The following LYZL4 variants were observed in gnomAD, a reference collection of about 807,000 sequenced individuals.
LYZL4 encodes lysozyme like 4.
Under a neutral mutation model 17.6 loss-of-function variants are expected in LYZL4, and 13 were observed. The observed-to-expected ratio is 0.74, with a 90% CI of 0.48 to 1.18. The LOEUF (loss-of-function observed/expected upper bound fraction) is 1.18, where lower values mean the gene tolerates loss of function less well. LYZL4 is among the 50% of genes most tolerant of loss of function. The probability of loss-of-function intolerance (pLI) is 0.00; values close to 1 mark genes in which losing one functional copy is unlikely to be tolerated. For synonymous variants in LYZL4, 64 were observed against 67.7 expected (o/e 0.95, Z 0.27); for missense variants, 174 against 188.2 (o/e 0.92, Z 0.44).
downstream of LYZL4, among the ~76,000 whole-genome samples, chr3:42,395,856 T>C (rs906863765): frequency 2.0e-5 from 3 of 151,400 alleles, no homozygotes; most frequent in African/African-American, 7.3e-5. Flanking sequence ...AGGTCAGGAG[T>C]TCAAGACCAT....
chr3:42,367,999 G>A, the LYZL4 span, among the ~76,000 whole-genome samples: 1 of 152,182 alleles, frequency 6.6e-6, no homozygotes, highest in Non-Finnish European at 1.5e-5. Flanking sequence ...CTAAGAGGCA[G>A]GTACTCTTAG....
the LYZL4 span, among the ~76,000 whole-genome samples, chr3:42,385,084 T>C: frequency 2.6e-5 from 4 of 152,138 alleles, no homozygotes; most frequent in Admixed American, 1.3e-4. Flanking sequence ...AGAAACAAAC[T>C]ACATTAACTT....
the LYZL4 span, among the ~76,000 whole-genome samples, chr3:42,386,588 G>A: frequency 2.0e-5 from 3 of 152,202 alleles, no homozygotes; most frequent in South Asian, 6.2e-4. Context: ...TTGCAGAGCC[G>A]ATTATTCTGC....
At chr3:42,402,318 T>C in intron 4 of LYZL4, among the ~76,000 whole-genome samples, 1 of 146,540 alleles carries the variant, frequency 6.8e-6, no homozygotes. Flanking sequence ...TTCTTTTCTT[T>C]CTTTTTTTTT....
At chr3:42,377,866 G>A in the LYZL4 span, among the ~76,000 whole-genome samples, 5 of 152,134 alleles carry the variant, frequency 3.3e-5, no homozygotes, top group African/African-American at 9.7e-5. Flanking sequence ...AGGAGCCTTC[G>A]GCAGATCTGT....
chr3:42,398,477 C>A, intron 4 of LYZL4, among the ~76,000 whole-genome samples: 1 of 152,166 alleles, frequency 6.6e-6, no homozygotes, highest in East Asian at 1.9e-4. Context: ...TCAAACACTC[C>A]AAAGTCAGTT....
At chr3:42,372,990 T>C in the LYZL4 span, among the ~76,000 whole-genome samples, 5 of 152,118 alleles carry the variant, frequency 3.3e-5, no homozygotes, top group East Asian at 9.7e-4. Context: ...GCAGATCCCT[T>C]GAGGTCAGGA....
At chr3:42,399,234 TG>T (rs1698610991) in intron 4 of LYZL4, among the ~76,000 whole-genome samples, 2 of 152,148 alleles carry the variant, frequency 1.3e-5, no homozygotes, top group South Asian at 4.1e-4. Context: ...GCAGTGTGGG[TG>T]GAGGGGCCCC....
At chr3:42,370,373 G>T in the LYZL4 span, among the ~76,000 whole-genome samples, 3 of 150,158 alleles carry the variant, frequency 2.0e-5, no homozygotes, top group Admixed American at 6.7e-5. Context: ...TACTGAGCCT[G>T]ATCAGAACAC....
At chr3:42,383,087 A>G in the LYZL4 span, among the ~76,000 whole-genome samples, 1 of 152,226 alleles carries the variant, frequency 6.6e-6, no homozygotes, top group African/African-American at 2.4e-5. Flanking sequence ...ACTATCATTC[A>G]GTTATCTGAA....
the LYZL4 span, among the ~76,000 whole-genome samples, chr3:42,367,406 C>G: frequency 1.2e-4 from 19 of 152,148 alleles, no homozygotes; most frequent in Non-Finnish European, 2.5e-4. Flanking sequence ...ATCAAGGAAG[C>G]ATGGGGTGGG....
chr3:42,388,241 A>G, the LYZL4 span, among the ~76,000 whole-genome samples: 1 of 152,236 alleles, frequency 6.6e-6, no homozygotes, highest in African/African-American at 2.4e-5. Flanking sequence ...TCTTGTCAAG[A>G]AAAGAACTGT....
rs1271793622 is a variant in LYZL4, at chr3:42,397,215, C to T, written c.*50G>A. On this transcript the variant is annotated 3_prime_UTR_variant, in exon 5 of 5. Coordinates refer to ENST00000287748, the MANE Select transcript of LYZL4 (RefSeq NM_144634.4). ...ACTGAAGCAGCAAGCAGAAAAGCAC[C>T]TTCATTCACAAGATGCAACTGGTGA... The T allele has an allele frequency of 1.5e-6, 2 of 1,307,746 alleles. No homozygotes were observed. The highest frequency in any genetic ancestry group is 5.1e-5 in the East Asian group (2 of 39,136). The allele number at this position is 1,307,746 out of a possible 1,614,324, so 81.0% of individuals were successfully genotyped here.
chr3:42,386,067 T>C, the LYZL4 span, among the ~76,000 whole-genome samples: 2 of 152,214 alleles, frequency 1.3e-5, no homozygotes, highest in South Asian at 4.2e-4. Context: ...GCTTCCACCA[T>C]CACATCTCCC....
downstream of LYZL4, among the ~76,000 whole-genome samples, chr3:42,394,787 C>T (rs1215867904): frequency 6.6e-6 from 1 of 152,260 alleles, no homozygotes; most frequent in Middle Eastern, 3.4e-3. Flanking sequence ...GACACAAGTG[C>T]CCATTAGAGG....
the LYZL4 span, among the ~76,000 whole-genome samples, chr3:42,389,121 T>C: frequency 6.6e-6 from 1 of 152,216 alleles, no homozygotes; most frequent in East Asian, 1.9e-4. Context: ...CCCTGGGTGG[T>C]GGGAGCCAGG....
chr3:42,402,966 T>C (rs1045780845), intron 4 of LYZL4, among the ~76,000 whole-genome samples: 1 of 152,114 alleles, frequency 6.6e-6, no homozygotes, highest in African/African-American at 2.4e-5. Context: ...AATGCAACAC[T>C]CAGTGAAAGA....
intron 4 of LYZL4, among the ~76,000 whole-genome samples, chr3:42,402,985 A>G (rs1201607477): frequency 6.6e-6 from 1 of 152,274 alleles, no homozygotes; most frequent in Non-Finnish European, 1.5e-5. Context: ...GAAGTCAGAC[A>G]TAGGCCAACC....
the LYZL4 span, among the ~76,000 whole-genome samples, chr3:42,371,719 A>G: frequency 2.0e-4 from 31 of 152,328 alleles, no homozygotes; most frequent in South Asian, 5.8e-3. Context: ...GGCTCAGTAC[A>G]TATAATCCAT....
Sources: allele counts gnomAD v4.1 joint callset (sites outside exome capture counted in the v4.1 genomes callset), GRCh38; gene constraint gnomAD v4.1.1; transcripts MANE v1.5; gene names NCBI Gene and HGNC (gene_info 2026-07-23, HGNC 2026-07-21).